Variants in DDC observed in about 807,000 individuals in gnomAD.
DDC encodes aromatic-L-amino-acid decarboxylase.
DDC carries 43 observed loss-of-function variants against 60.0 expected under a neutral mutation model. The ratio of observed to expected loss-of-function variants is 0.72; its 90% CI spans 0.56 to 0.92. The LOEUF (loss-of-function observed/expected upper bound fraction) is 0.92, where lower values mean the gene tolerates loss of function less well. Among genes scored for constraint, DDC ranks in the 40% least tolerant of loss-of-function variants. The pLI, the probability that DDC is intolerant of heterozygous loss-of-function variation, is 0.00. For synonymous variants in DDC, 232 were observed against 234.6 expected, an observed-to-expected ratio of 0.99 and a Z score of 0.10; for missense variants, 573 against 620.2, an observed-to-expected ratio of 0.92 and a Z score of 0.81.
At chr7:50,538,104 A>G (rs1430518180) in intron 3 of DDC, 125 bp from the exon 4 acceptor site, 1 of 1,204,416 alleles carries the variant, frequency 8.3e-7, no homozygotes, top group African/African-American at 1.5e-5. Flanking sequence ...CTCAGATGTG[A>G]TTCAAAGGCC....
chr7:50,519,162 C>T (rs989920645), intron 6 of DDC, among the ~76,000 whole-genome samples: 3 of 152,130 alleles, frequency 2.0e-5, no homozygotes, highest in Non-Finnish European at 4.4e-5. Flanking sequence ...CACTAATAAT[C>T]AGGGAAATGC....
intron 9 of DDC, among the ~76,000 whole-genome samples, chr7:50,481,734 C>G (rs1190576855): frequency 6.6e-6 from 1 of 152,150 alleles, no homozygotes; most frequent in Non-Finnish European, 1.5e-5. Flanking sequence ...TTACATAGTT[C>G]TACAAAATTT....
chr7:50,559,056 T>G (rs1463003579), intron 1 of DDC, among the ~76,000 whole-genome samples: 1 of 152,152 alleles, frequency 6.6e-6, no homozygotes, highest in Non-Finnish European at 1.5e-5. Context: ...GCAGAAGAAA[T>G]GTTGAATAGT....
intron 6 of DDC, among the ~76,000 whole-genome samples, chr7:50,524,082 T>C (rs1229731749): frequency 6.6e-6 from 1 of 152,188 alleles, no homozygotes; most frequent in Non-Finnish European, 1.5e-5. Flanking sequence ...ATTGTATGAT[T>C]CTATCTGTAT....
intron 6 of DDC, among the ~76,000 whole-genome samples, chr7:50,507,174 T>C (rs971438359): frequency 6.6e-6 from 1 of 152,204 alleles, no homozygotes; most frequent in African/African-American, 2.4e-5. Flanking sequence ...AAATGACATA[T>C]CTCTAGTTTA....
At chr7:50,511,834 G>A (rs73121285) in intron 6 of DDC, among the ~76,000 whole-genome samples, 1 of 152,032 alleles carries the variant, frequency 6.6e-6, no homozygotes, top group Non-Finnish European at 1.5e-5. Flanking sequence ...GCAAAGAATA[G>A]AAGACCAAAA....
intron 1 of DDC, chr7:50,564,199 C>T (rs1192441621): frequency 6.6e-6 from 1 of 152,180 alleles, no homozygotes; most frequent in Non-Finnish European, 1.5e-5. Flanking sequence ...CCAGGACTTC[C>T]AGGGTAGAGT....
At chr7:50,463,133 G>A in intron 14 of DDC, 80 bp downstream of exon 14, 2 of 1,165,562 alleles carry the variant, frequency 1.7e-6, no homozygotes, top group Admixed American at 2.0e-5. Context: ...GGCTGGGCCT[G>A]TAGCTGGGTC....
chr7:50,510,109 C>T (rs1211174056), intron 6 of DDC, among the ~76,000 whole-genome samples: 1 of 152,004 alleles, frequency 6.6e-6, no homozygotes, highest in Non-Finnish European at 1.5e-5. Flanking sequence ...GTAGCTGGGA[C>T]TACAGGTGAC....
intron 6 of DDC, among the ~76,000 whole-genome samples, chr7:50,513,059 C>T (rs2043624788): frequency 6.6e-6 from 1 of 152,168 alleles, no homozygotes; most frequent in African/African-American, 2.4e-5. Context: ...TCCAGGTTGA[C>T]TGCAAGAACA....
At chr7:50,509,251 C>G (rs74837141) in intron 6 of DDC, among the ~76,000 whole-genome samples, 144 of 152,284 alleles carry the variant, frequency 9.5e-4, no homozygotes, top group Non-Finnish European at 1.7e-3. Flanking sequence ...ACAATTGGCC[C>G]ACATCTGTGG....
rs150377615 is a variant in DDC, at chr7:50,557,458, C to T, written c.-29+7827G>A. On this transcript the variant is annotated intron_variant, in intron 1 of 14. Transcript: ENST00000444124. ...GGACATGAAACTGATTGATATTATTCCATTTTAGTCCTGACCGTAGACAAT... is the reference window on the plus strand; with the variant it reads ...GGACATGAAACTGATTGATATTATTTCATTTTAGTCCTGACCGTAGACAAT... Among the ~76,000 whole-genome samples the T allele has an allele frequency of 3.2e-4, 48 of 152,310 alleles. No homozygotes were observed. The East Asian group carries it at 8.1e-3, about 26-fold the overall frequency.
intron 10 of DDC, among the ~76,000 whole-genome samples, chr7:50,478,380 T>C (rs2042695230): frequency 6.6e-6 from 1 of 152,236 alleles, no homozygotes; most frequent in Admixed American, 6.5e-5. Flanking sequence ...AATTAAACTT[T>C]AGTTCTTCAA....
chr7:50,475,290 A>C (rs2042616718), intron 11 of DDC, among the ~76,000 whole-genome samples: 1 of 152,240 alleles, frequency 6.6e-6, no homozygotes, highest in South Asian at 2.1e-4. Context: ...TTTCCCTTCA[A>C]TAATAACTTT....
rs1270014886 is a variant in DDC, at chr7:50,543,915, G to T, written c.171C>A (p.Ile57=). Reference sequence around the variant, plus strand: ...GCATGATTATCTTCTCAACGTCGTTGATGATGTCCTCAAACGTGTCTGGCT... The same window carrying T: ...GCATGATTATCTTCTCAACGTCGTTTATGATGTCCTCAAACGTGTCTGGCT... ...PQEPDTFEDI[I]NDVEKIIMPG... The change falls in exon 2 of 15, where the codon ATC becomes ATA. Residue 57 remains isoleucine, a synonymous_variant. Coordinates refer to ENST00000444124, the MANE Select transcript of DDC (RefSeq NM_001082971.2). The T allele has an allele frequency of 6.2e-7, 1 of 1,614,044 alleles. No homozygotes were observed. The highest frequency in any genetic ancestry group is 8.5e-7 in the Non-Finnish European group (1 of 1,180,046).
At chr7:50,541,373 G>A (rs1172942546) in intron 2 of DDC, 2 of 152,336 alleles carry the variant, frequency 1.3e-5, no homozygotes, top group African/African-American at 4.8e-5. Flanking sequence ...AGCAGCAGAG[G>A]ATATGCTCTA....
intron 11 of DDC, among the ~76,000 whole-genome samples, chr7:50,472,836 C>T (rs1380532340): frequency 6.6e-6 from 1 of 152,202 alleles, no homozygotes; most frequent in African/African-American, 2.4e-5. Context: ...GTCTGCTCAT[C>T]CTTTTCACCC....
intron 4 of DDC, chr7:50,531,628 T>G (rs921467928): frequency 1.3e-5 from 2 of 152,040 alleles, no homozygotes; most frequent in African/African-American, 4.8e-5. Flanking sequence ...ATTCACCTTC[T>G]TAAGTCAACA....
chr7:50,527,948 G>A (rs2044084159), intron 6 of DDC, 189 bp downstream of exon 6: 1 of 569,206 alleles, frequency 1.8e-6, no homozygotes, highest in Non-Finnish European at 3.1e-6. Context: ...ACAGGCTGGA[G>A]TGCAGCGGCG....
Sources: gnomAD v4.1 joint callset for allele counts (sites outside exome capture counted in the v4.1 genomes callset) on GRCh38, gnomAD v4.1.1 for gene constraint, MANE v1.5 for transcripts, NCBI Gene and HGNC (gene_info 2026-07-23, HGNC 2026-07-21) for gene names.